ELOVL2: variants seen among roughly 807,000 people sequenced by gnomAD.
ELOVL2 encodes the protein very long chain fatty acid elongase 2.
In ELOVL2, 38 loss-of-function variants were observed where a neutral mutation model predicts 37.7. That is an observed-to-expected ratio of 1.01 (90% confidence interval 0.78 to 1.32). The LOEUF (loss-of-function observed/expected upper bound fraction) is 1.32. Ranked by LOEUF, ELOVL2 falls within the 40% of genes most tolerant of loss-of-function variation. The pLI is 0.00. For synonymous variants in ELOVL2, 115 were observed against 122.3 expected (o/e 0.94, Z 0.40); for missense variants, 352 against 363.6 (o/e 0.97, Z 0.26).
chr6:11,035,238 G>A (rs1467602182), intron 1 of ELOVL2, among the ~76,000 whole-genome samples: 1 of 151,982 alleles, frequency 6.6e-6, no homozygotes, highest in East Asian at 1.9e-4. Flanking sequence ...ACCCCTTCAT[G>A]AAGCATACAC....
intron 5 of ELOVL2, among the ~76,000 whole-genome samples, chr6:10,991,541 C>G (rs1169028710): frequency 6.6e-6 from 1 of 152,208 alleles, no homozygotes; most frequent in African/African-American, 2.4e-5. Context: ...AAGCACCGCA[C>G]ATATGCTGGC....
intron 3 of ELOVL2, among the ~76,000 whole-genome samples, chr6:11,002,070 T>C (rs1183220215): frequency 1.3e-5 from 2 of 152,182 alleles, no homozygotes; most frequent in Non-Finnish European, 2.9e-5. Flanking sequence ...AGGGAGATAA[T>C]AGCACTCCCG....
intron 2 of ELOVL2, among the ~76,000 whole-genome samples, chr6:11,008,592 C>T (rs988065023): frequency 2.6e-5 from 4 of 151,542 alleles, no homozygotes; most frequent in Non-Finnish European, 5.9e-5. Flanking sequence ...GGAGGGGTCC[C>T]GGGTCCTGCA....
Position 10,990,442 on chromosome 6 carries a change from C to T in ELOVL2, c.506G>A (p.Ser169Asn), listed in dbSNP as rs1782134105. ...ACTGTTCAGTGTTGGTCCAAAGAAA[C>T]CTATAAAAGTACAGTATAAAAATCA... ...CVLNWIPCGQ[S>N]FFGPTLNSFI... The change falls in exon 6 of 8, where the codon AGT becomes AAT. Residue 169 changes from serine (S) to asparagine (N), a missense_variant and splice_region_variant. By Grantham distance (46) the Ser-to-Asn change is conservative (BLOSUM62 1). Transcript: ENST00000354666. The T allele has an allele frequency of 1.3e-6, 2 of 1,586,008 alleles. No individual in the cohort carries two copies. The highest frequency in any genetic ancestry group is 2.4e-5 in the South Asian group (2 of 83,714).
chr6:11,021,723 T>C (rs546453847), intron 1 of ELOVL2, among the ~76,000 whole-genome samples: 2 of 152,358 alleles, frequency 1.3e-5, no homozygotes, highest in Admixed American at 1.3e-4. Flanking sequence ...AAATTATTAA[T>C]ATCATTAATA....
intron 3 of ELOVL2, among the ~76,000 whole-genome samples, chr6:11,004,808 G>A (rs574553415): frequency 1.3e-4 from 20 of 152,258 alleles, no homozygotes; most frequent in Middle Eastern, 3.4e-3. Context: ...ACATGATCTT[G>A]AAAGGCCCAT....
chr6:11,014,495 A>G (rs1185965316), intron 1 of ELOVL2, among the ~76,000 whole-genome samples: 2 of 150,000 alleles, frequency 1.3e-5, no homozygotes, highest in Non-Finnish European at 3.0e-5. Context: ...AAACAACAAC[A>G]ACAACAACAA....
intron 1 of ELOVL2, among the ~76,000 whole-genome samples, chr6:11,030,752 A>G (rs759933443): frequency 5.3e-5 from 8 of 152,148 alleles, no homozygotes; most frequent in African/African-American, 9.7e-5. Context: ...TCAGCCTCCC[A>G]AAGTGCTGGG....
At chr6:11,038,312 T>C (rs1783046161) in intron 1 of ELOVL2, among the ~76,000 whole-genome samples, 1 of 152,118 alleles carries the variant, frequency 6.6e-6, no homozygotes, top group South Asian at 2.1e-4. Context: ...AGGCCACACA[T>C]ATATGTAAAG....
intron 1 of ELOVL2, among the ~76,000 whole-genome samples, chr6:11,014,690 G>C (rs551503140): frequency 6.6e-6 from 1 of 151,936 alleles, no homozygotes; most frequent in South Asian, 2.1e-4. Flanking sequence ...GCCTAGGCAA[G>C]TAGATTGGAG....
intron 3 of ELOVL2, among the ~76,000 whole-genome samples, chr6:11,005,085 G>A (rs1184178609): frequency 6.6e-6 from 1 of 152,124 alleles, no homozygotes; most frequent in Non-Finnish European, 1.5e-5. Context: ...CTTGAACCTG[G>A]GAGGCGGAGG....
At chr6:10,994,853 C>A (rs1222065343) in intron 5 of ELOVL2, among the ~76,000 whole-genome samples, 154 bp downstream of exon 5, 1 of 152,194 alleles carries the variant, frequency 6.6e-6, no homozygotes, top group East Asian at 1.9e-4. Context: ...GAATACATGA[C>A]CCCTGGCAGA....
intron 3 of ELOVL2, among the ~76,000 whole-genome samples, chr6:11,002,526 G>C (rs1002560411): frequency 6.6e-6 from 1 of 152,192 alleles, no homozygotes; most frequent in African/African-American, 2.4e-5. Flanking sequence ...AGGAGACTGG[G>C]TGGCAATCAA....
At chr6:11,003,934 T>A (rs912931809) in intron 3 of ELOVL2, among the ~76,000 whole-genome samples, 45 of 151,438 alleles carry the variant, frequency 3.0e-4, no homozygotes, top group Non-Finnish European at 5.2e-4. Context: ...AAAAAAAAAA[T>A]TAGCCAGGAT....
chr6:11,018,826 C>G (rs1249771361), intron 1 of ELOVL2, among the ~76,000 whole-genome samples: 1 of 152,162 alleles, frequency 6.6e-6, no homozygotes, highest in Non-Finnish European at 1.5e-5. Flanking sequence ...ATCTAGCTAT[C>G]TGATGAAATT....
intron 3 of ELOVL2, 31 bp downstream of exon 3, chr6:11,005,341 G>C: frequency 6.3e-7 from 1 of 1,587,002 alleles, no homozygotes; most frequent in Non-Finnish European, 8.6e-7. Flanking sequence ...GCTAGTTACT[G>C]GACTTCAGCT....
At position 10,985,367 on chromosome 6, in the gene ELOVL2, T is replaced by G. The variant is rs550953667; in HGVS notation, c.766-1461A>C. ...CTGTGCAGAAGTTCTTTAGTTTAAT[T>G]AGATCCCATTTGTCAATTTTGGCTT... is the stretch of plus-strand genomic sequence containing the variant. On this transcript the variant is annotated intron_variant, in intron 7 of 7. Coordinates refer to ENST00000354666, the MANE Select transcript of ELOVL2 (RefSeq NM_017770.4). Among the ~76,000 whole-genome samples the G allele has an allele frequency of 1.3e-4, 20 of 151,356 alleles. No individual in the cohort carries two copies. In the South Asian group the frequency reaches 4.0e-3, roughly 30 times the overall value.
intron 1 of ELOVL2, among the ~76,000 whole-genome samples, chr6:11,037,375 A>T (rs1255665611): frequency 6.6e-6 from 1 of 152,198 alleles, no homozygotes; most frequent in Non-Finnish European, 1.5e-5. Flanking sequence ...AAACTCCAAG[A>T]TCTCATTAAC....
intron 1 of ELOVL2, among the ~76,000 whole-genome samples, chr6:11,026,411 C>T (rs909279522): frequency 3.3e-5 from 5 of 152,028 alleles, no homozygotes; most frequent in African/African-American, 1.2e-4. Context: ...CCGTTTGGGT[C>T]GGGCTGTGCT....
Sources: gnomAD v4.1 joint callset for allele counts (sites outside exome capture counted in the v4.1 genomes callset) on GRCh38, gnomAD v4.1.1 for gene constraint, MANE v1.5 for transcripts, NCBI Gene and HGNC (gene_info 2026-07-23, HGNC 2026-07-21) for gene names.